Variants in FARS2 observed in about 807,000 individuals in gnomAD.
FARS2 encodes the protein phenylalanine--tRNA ligase, mitochondrial.
A neutral mutation model predicts 46.4 loss-of-function variants in FARS2; 40 were observed. The ratio of observed to expected loss-of-function variants is 0.86; its 90% CI spans 0.67 to 1.12. FARS2 has a LOEUF of 1.12. FARS2 is among the 50% of genes most tolerant of loss of function. The pLI, the probability that FARS2 is intolerant of heterozygous loss-of-function variation, is 0.00. For synonymous variants in FARS2, 234 were observed against 214.9 expected (o/e 1.09, Z -0.78); for missense variants, 513 against 567.9 (o/e 0.90, Z 0.98).
chr6:5,330,083 C>A (rs932783768), intron 1 of FARS2, among the ~76,000 whole-genome samples: 1 of 152,112 alleles, frequency 6.6e-6, no homozygotes. Context: ...CTCCTAGCTT[C>A]CTAGAAATTC....
chr6:5,441,913 C>G (rs1763863708), intron 4 of FARS2, among the ~76,000 whole-genome samples: 3 of 152,138 alleles, frequency 2.0e-5, no homozygotes, highest in Non-Finnish European at 4.4e-5. Context: ...TGACGTTGTT[C>G]AACTTATTTT....
At chr6:5,493,092 C>G (rs1192177459) in intron 4 of FARS2, among the ~76,000 whole-genome samples, 3 of 148,960 alleles carry the variant, frequency 2.0e-5, no homozygotes, top group African/African-American at 7.3e-5. Context: ...GCCTGTAATC[C>G]CAGCTACTTG....
chr6:5,268,107 C>G (rs1765677961), intron 1 of FARS2, among the ~76,000 whole-genome samples: 1 of 152,042 alleles, frequency 6.6e-6, no homozygotes, highest in African/African-American at 2.4e-5. Flanking sequence ...GATATTAGCC[C>G]TTTGTCAGAT....
At chr6:5,419,747 T>A (rs1467753860) in intron 3 of FARS2, among the ~76,000 whole-genome samples, 1 of 152,188 alleles carries the variant, frequency 6.6e-6, no homozygotes, top group Non-Finnish European at 1.5e-5. Context: ...GACTTCCTTC[T>A]GGCACCGTCA....
At chr6:5,685,242 A>G (rs1561798602) in intron 6 of FARS2, among the ~76,000 whole-genome samples, 1 of 152,124 alleles carries the variant, frequency 6.6e-6, no homozygotes, top group African/African-American at 2.4e-5. Context: ...CCTTGTACGT[A>G]TAGTTGCTTT....
chr6:5,419,197 A>G (rs1413267934), intron 3 of FARS2, among the ~76,000 whole-genome samples: 1 of 152,148 alleles, frequency 6.6e-6, no homozygotes, highest in African/African-American at 2.4e-5. Flanking sequence ...GATGGATACA[A>G]TCCTAAAGAT....
intron 1 of FARS2, among the ~76,000 whole-genome samples, chr6:5,314,558 C>T (rs1581758620): frequency 6.6e-6 from 1 of 152,124 alleles, no homozygotes; most frequent in African/African-American, 2.4e-5. Context: ...GGATAAACTG[C>T]CTATGGTCTG....
chr6:5,361,270 T>C (rs1431430114), intron 1 of FARS2, among the ~76,000 whole-genome samples: 2 of 152,230 alleles, frequency 1.3e-5, no homozygotes, highest in African/African-American at 2.4e-5. Flanking sequence ...CATAATATTT[T>C]ATTGTATGGT....
At chr6:5,318,397 A>AAAACAAAAAAAAAAAAAAC (rs202227271) in intron 1 of FARS2, among the ~76,000 whole-genome samples, 1 of 145,088 alleles carries the variant, frequency 6.9e-6, no homozygotes, top group Non-Finnish European at 1.5e-5. Flanking sequence ...CAAAAAAAAA[A>AAAACAAAAAAAAAAAAAAC]AAAAAAAAAA....
intron 1 of FARS2, among the ~76,000 whole-genome samples, chr6:5,331,426 C>T (rs1345341684): frequency 6.6e-6 from 1 of 152,158 alleles, no homozygotes; most frequent in Non-Finnish European, 1.5e-5. Flanking sequence ...CTTGGGATTC[C>T]CTGGCCACAG....
At chr6:5,675,430 G>T (rs1390114602) in intron 6 of FARS2, among the ~76,000 whole-genome samples, 1 of 152,162 alleles carries the variant, frequency 6.6e-6, no homozygotes, top group African/African-American at 2.4e-5. Flanking sequence ...AAGTGAGAAA[G>T]CCATACACAT....
chr6:5,326,846 A>T (rs1175392104), intron 1 of FARS2, among the ~76,000 whole-genome samples: 1 of 152,170 alleles, frequency 6.6e-6, no homozygotes, highest in East Asian at 1.9e-4. Flanking sequence ...GGAATTAGAA[A>T]CCTATTTACA....
chr6:5,736,046 C>G (rs919651684), intron 6 of FARS2, among the ~76,000 whole-genome samples: 3 of 152,220 alleles, frequency 2.0e-5, no homozygotes, highest in Non-Finnish European at 4.4e-5. Context: ...CGATTTCTCA[C>G]GGGGTTGCAG....
intron 1 of FARS2, among the ~76,000 whole-genome samples, chr6:5,297,283 G>C (rs1161570446): frequency 6.6e-6 from 1 of 152,186 alleles, no homozygotes; most frequent in African/African-American, 2.4e-5. Flanking sequence ...GTGATTCAGA[G>C]CCTGCCTTCA....
chr6:5,728,623 G>C (rs1000156971), intron 6 of FARS2, among the ~76,000 whole-genome samples: 3 of 152,144 alleles, frequency 2.0e-5, no homozygotes, highest in Non-Finnish European at 1.5e-5. Context: ...GCAGCAAATT[G>C]GTTTAAATCA....
intron 4 of FARS2, among the ~76,000 whole-genome samples, chr6:5,464,990 C>A (rs1382128527): frequency 6.6e-6 from 1 of 152,086 alleles, no homozygotes; most frequent in Non-Finnish European, 1.5e-5. Flanking sequence ...TAAGGAAGAC[C>A]CTCTAGCTGG....
chr6:5,646,043 G>A (rs544122244), intron 6 of FARS2, among the ~76,000 whole-genome samples: 6 of 152,212 alleles, frequency 3.9e-5, no homozygotes, highest in East Asian at 3.9e-4. Context: ...TGTAAGTCTC[G>A]TATGGTTTGG....
At chr6:5,404,744 C>T (rs757219097) in intron 3 of FARS2, 43 bp downstream of exon 3, 15 of 1,255,690 alleles carry the variant, frequency 1.2e-5, no homozygotes, top group Non-Finnish European at 1.6e-5. Context: ...ATCTGAAATA[C>T]TTGGGACAGA....
At chr6:5,644,568 A>G (rs1009000960) in intron 6 of FARS2, among the ~76,000 whole-genome samples, 1 of 151,780 alleles carries the variant, frequency 6.6e-6, no homozygotes, top group Admixed American at 6.6e-5. Context: ...CAGCAGATCT[A>G]CTCTCATGAC....
Sources: gnomAD v4.1 joint callset for allele counts (sites outside exome capture counted in the v4.1 genomes callset) on GRCh38, gnomAD v4.1.1 for gene constraint, MANE v1.5 for transcripts, NCBI Gene and HGNC (gene_info 2026-07-23, HGNC 2026-07-21) for gene names.